The following PPP2R2B variants were observed in gnomAD, a reference collection of about 807,000 sequenced individuals.
The protein encoded by PPP2R2B is serine/threonine-protein phosphatase 2A 55 kDa regulatory subunit B beta isoform.
In PPP2R2B, 5 loss-of-function variants were observed where a neutral mutation model predicts 46.0. The observed-to-expected ratio is 0.11, with a 90% confidence interval of 0.06 to 0.23. PPP2R2B has a LOEUF of 0.23. Among genes scored for constraint, PPP2R2B ranks in the 10% least tolerant of loss-of-function variants. The pLI is 1.00. For synonymous variants in PPP2R2B, 215 were observed against 206.7 expected (o/e 1.04, Z -0.34); for missense variants, 367 against 575.0 (o/e 0.64, Z 3.70).
intron 2 of PPP2R2B, among the ~76,000 whole-genome samples, chr5:146,770,158 G>A (rs562079516): frequency 6.6e-6 from 1 of 151,550 alleles, no homozygotes; most frequent in East Asian, 1.9e-4. Flanking sequence ...GTGAAACCCC[G>A]TCTCTACTAA....
chr5:146,766,323 T>A (rs978750384), intron 2 of PPP2R2B, among the ~76,000 whole-genome samples: 6 of 152,182 alleles, frequency 3.9e-5, no homozygotes, highest in Admixed American at 3.9e-4. Context: ...AGAGAAAATG[T>A]CTCTAAATTA....
chr5:146,725,024 A>T (rs1751770346), intron 2 of PPP2R2B, among the ~76,000 whole-genome samples: 1 of 151,380 alleles, frequency 6.6e-6, no homozygotes, highest in South Asian at 2.1e-4. Flanking sequence ...AATAATTCTA[A>T]TTCATATATA....
At chr5:146,616,617 T>G (rs1013633429) in intron 7 of PPP2R2B, among the ~76,000 whole-genome samples, 1 of 152,112 alleles carries the variant, frequency 6.6e-6, no homozygotes, top group African/African-American at 2.4e-5. Flanking sequence ...CAGATAGGCA[T>G]ACAAAAAAGA....
At chr5:146,981,947 G>T (rs143007916) in intron 1 of PPP2R2B, among the ~76,000 whole-genome samples, 1 of 152,292 alleles carries the variant, frequency 6.6e-6, no homozygotes, top group Non-Finnish European at 1.5e-5. Context: ...GCAGCAGTTG[G>T]CCCAGGTGGT....
intron 1 of PPP2R2B, among the ~76,000 whole-genome samples, chr5:147,005,670 T>C (rs1754403277): frequency 1.3e-5 from 2 of 148,568 alleles, no homozygotes; most frequent in Non-Finnish European, 3.0e-5. Context: ...AGACAGGAAG[T>C]CAGAGAGAGA....
chr5:146,961,186 G>T (rs1385956902), intron 1 of PPP2R2B, among the ~76,000 whole-genome samples: 1 of 152,058 alleles, frequency 6.6e-6, no homozygotes, highest in Non-Finnish European at 1.5e-5. Flanking sequence ...TACCATAATT[G>T]TATCAGTATC....
chr5:146,697,184 AGT>A (rs1779223855), intron 4 of PPP2R2B, among the ~76,000 whole-genome samples: 1 of 152,078 alleles, frequency 6.6e-6, no homozygotes, highest in Non-Finnish European at 1.5e-5. Flanking sequence ...CTTGGGAGAG[AGT>A]GTTTAATTTT....
At position 146,599,078 on chromosome 5, in the gene PPP2R2B, C is replaced by T. The variant is rs191208219; in HGVS notation, c.960+1213G>A. Among the ~76,000 whole-genome samples the T allele has an allele frequency of 1.1e-4, 16 of 152,304 alleles. No homozygotes were observed. In the East Asian group the frequency reaches 2.9e-3, roughly 28 times the overall value. On this transcript the variant is annotated intron_variant, in intron 8 of 9. Transcript: ENST00000394411. Reference sequence around the variant, plus strand: ...ATAGCTTAAAATAGGGTTAGTTTATCTCCAGCACTTGATCTTTGCTTTCAT... The same window carrying T: ...ATAGCTTAAAATAGGGTTAGTTTATTTCCAGCACTTGATCTTTGCTTTCAT...
chr5:146,822,495 C>T (rs1758322941), intron 2 of PPP2R2B, among the ~76,000 whole-genome samples: 1 of 151,116 alleles, frequency 6.6e-6, no homozygotes, highest in Non-Finnish European at 1.5e-5. Context: ...ACTATTTTCT[C>T]TCCAGGAAGT....
chr5:146,870,255 A>G (rs1166807242), intron 2 of PPP2R2B, among the ~76,000 whole-genome samples: 1 of 152,064 alleles, frequency 6.6e-6, no homozygotes, highest in Non-Finnish European at 1.5e-5. Context: ...CTCCACCCCA[A>G]TCTATATGTT....
intron 2 of PPP2R2B, among the ~76,000 whole-genome samples, chr5:146,728,138 C>A (rs910646997): frequency 1.9e-4 from 16 of 82,510 alleles, no homozygotes; most frequent in African/African-American, 2.4e-4. Flanking sequence ...GAAACACTTA[C>A]TTTTTTTTTT....
intron 2 of PPP2R2B, among the ~76,000 whole-genome samples, chr5:146,760,442 A>G (rs1350301869): frequency 6.6e-6 from 1 of 152,184 alleles, no homozygotes; most frequent in African/African-American, 2.4e-5. Context: ...ATGTGCTATT[A>G]TGGGATGAAA....
intron 1 of PPP2R2B, among the ~76,000 whole-genome samples, chr5:146,968,865 A>G (rs1752549583): frequency 6.6e-6 from 1 of 152,262 alleles, no homozygotes. Flanking sequence ...TATAGATTAT[A>G]GTACAATCTA....
At position 146,747,106 on chromosome 5, in the gene PPP2R2B, G is replaced by C. The variant is rs574883937; in HGVS notation, c.71-45964C>G. Among the ~76,000 whole-genome samples, 28 of 152,234 alleles carry C rather than the reference G, an allele frequency of 1.8e-4. No homozygotes were observed. In the East Asian group the frequency reaches 5.0e-3, roughly 27 times the overall value. ...CTTAATGTGGAATTAAATTTTAAGA[G>C]GAGCTTCCCAAATTGCTTAATATCT... On this transcript the variant is annotated intron_variant, in intron 2 of 9. Transcript: ENST00000394411.
chr5:146,677,528 C>T (rs1350807338), intron 5 of PPP2R2B, among the ~76,000 whole-genome samples: 1 of 130,508 alleles, frequency 7.7e-6, no homozygotes, highest in Non-Finnish European at 1.7e-5. Flanking sequence ...TCCCTCCCTC[C>T]CTCCCTCCCT....
chr5:146,831,498 CAAAAAAAAA>C (rs34975709), intron 2 of PPP2R2B, among the ~76,000 whole-genome samples: 2 of 54,920 alleles, frequency 3.6e-5, no homozygotes, highest in Admixed American at 2.9e-4. Flanking sequence ...CTCCATCTCT[CAAAAAAAAA>C]AAAAAAAAAA....
intron 2 of PPP2R2B, among the ~76,000 whole-genome samples, chr5:146,760,731 G>A (rs1264808253): frequency 6.6e-6 from 1 of 151,980 alleles, no homozygotes; most frequent in African/African-American, 2.4e-5. Flanking sequence ...CTGAGGGGAG[G>A]GGTGCTTTTT....
intron 6 of PPP2R2B, among the ~76,000 whole-genome samples, chr5:146,641,351 CA>C: frequency 6.6e-6 from 1 of 152,100 alleles, no homozygotes; most frequent in Non-Finnish European, 1.5e-5. Flanking sequence ...CAAAGCTGGC[CA>C]AAATGTGACA....
intron 1 of PPP2R2B, among the ~76,000 whole-genome samples, chr5:147,008,308 G>A (rs1213914409): frequency 1.3e-5 from 2 of 152,024 alleles, no homozygotes; most frequent in Non-Finnish European, 2.9e-5. Flanking sequence ...TGAAGGGATA[G>A]GGGGAGGAAA....
Sources: gnomAD v4.1 joint callset for allele counts (sites outside exome capture counted in the v4.1 genomes callset) on GRCh38, gnomAD v4.1.1 for gene constraint, MANE v1.5 for transcripts, NCBI Gene and HGNC (gene_info 2026-07-23, HGNC 2026-07-21) for gene names.